LAMA2: variants seen among roughly 807,000 people sequenced by gnomAD.
The protein encoded by LAMA2 is laminin subunit alpha-2.
In LAMA2, 269 loss-of-function variants were observed where a neutral mutation model predicts 364.8. The observed-to-expected ratio is 0.74, with a 90% CI of 0.67 to 0.82. LAMA2 has a LOEUF of 0.82. Ranked by LOEUF, LAMA2 falls within the 40% of genes least tolerant of loss-of-function variation. The pLI is 0.00. For synonymous variants in LAMA2, 1,379 were observed against 1,370.6 expected, an observed-to-expected ratio of 1.01 and a Z score of -0.14; for missense variants, 3,807 against 3,873.2, an observed-to-expected ratio of 0.98 and a Z score of 0.45.
At chr6:128,926,676 G>T (rs528481579) in intron 1 of LAMA2, among the ~76,000 whole-genome samples, 1 of 152,230 alleles carries the variant, frequency 6.6e-6, no homozygotes, top group South Asian at 2.1e-4. Flanking sequence ...GAATATTTGT[G>T]CTCCTTTTTA....
intron 1 of LAMA2, among the ~76,000 whole-genome samples, chr6:129,046,428 A>C (rs1344863293): frequency 2.0e-5 from 3 of 152,212 alleles, no homozygotes; most frequent in Non-Finnish European, 4.4e-5. Context: ...GGCAGGCAAG[A>C]GAGCATGTGC....
At chr6:129,420,726 A>G (rs1175354119) in intron 40 of LAMA2, among the ~76,000 whole-genome samples, 1 of 152,218 alleles carries the variant, frequency 6.6e-6, no homozygotes, top group Non-Finnish European at 1.5e-5. Flanking sequence ...AAAGCAAAAT[A>G]TATAAAGCAA....
At chr6:129,237,359 T>C (rs1455959174) in intron 12 of LAMA2, among the ~76,000 whole-genome samples, 1 of 149,028 alleles carries the variant, frequency 6.7e-6, no homozygotes, top group Non-Finnish European at 1.5e-5. Flanking sequence ...TTGTTGGAGA[T>C]GGAGTCTTGC....
chr6:129,445,852 CTGAT>C, intron 45 of LAMA2, 31 bp downstream of exon 45: 1 of 1,586,050 alleles, frequency 6.3e-7, no homozygotes, highest in South Asian at 1.1e-5. Flanking sequence ...GTATCAGTAA[CTGAT>C]TGTAATTGTT....
At chr6:128,905,056 C>G (rs1305595153) in intron 1 of LAMA2, among the ~76,000 whole-genome samples, 1 of 152,136 alleles carries the variant, frequency 6.6e-6, no homozygotes, top group Non-Finnish European at 1.5e-5. Flanking sequence ...TTGACCAGTA[C>G]TTATATGATG....
chr6:129,200,446 A>ACG (rs1353511916), intron 12 of LAMA2, among the ~76,000 whole-genome samples: 103 of 150,228 alleles, frequency 6.9e-4, no homozygotes, highest in African/African-American at 2.3e-3. Flanking sequence ...ATATACATAT[A>ACG]TGTATATATA....
rs552219343 is a variant in LAMA2, at chr6:129,472,141, C to T, written c.7301-1073C>T. Among the ~76,000 whole-genome samples, 3 of 151,916 alleles carry T rather than the reference C, an allele frequency of 2.0e-5. No homozygotes were observed. The South Asian group carries it at 6.2e-4, about 31-fold the overall frequency. On this transcript the variant is annotated intron_variant, in intron 51 of 64. Transcript: ENST00000421865. The stretch of plus-strand genomic sequence containing the variant: ...GGGCAGCTATAAAATTAAGAAGATA[C>T]ATGTTTAACTTTGTATAACCCAGTA...
intron 1 of LAMA2, among the ~76,000 whole-genome samples, chr6:129,015,741 G>A (rs1282332270): frequency 6.6e-6 from 1 of 151,984 alleles, no homozygotes; most frequent in Non-Finnish European, 1.5e-5. Flanking sequence ...ATAAAATACA[G>A]CTTTTTAATC....
chr6:129,050,162 T>C (rs916772107), intron 2 of LAMA2, 74 bp downstream of exon 2: 16 of 1,458,792 alleles, frequency 1.1e-5, no homozygotes, highest in Non-Finnish European at 1.5e-5. Flanking sequence ...CCAAGTTGCA[T>C]TAAATTCAAG....
Position 128,884,792 on chromosome 6 carries a change from A to G in LAMA2, c.112+1435A>G, listed in dbSNP as rs144743640. ...TTGCTCAATTACAAGGTGTGTTTAA[A>G]CAAGACATAATACTTTAATAATGTT... On this transcript the variant is annotated intron_variant, in intron 1 of 64. Transcript: ENST00000421865. Among the ~76,000 whole-genome samples, 699 of 152,318 alleles carry G rather than the reference A, an allele frequency of 4.6e-3. 5 individuals are homozygous for G. Among genetic ancestry groups the G allele is most frequent in the Non-Finnish European group, 8.0e-3 (545 of 68,014 alleles).
chr6:129,339,316 G>A (rs558636424), intron 29 of LAMA2, among the ~76,000 whole-genome samples: 1 of 152,280 alleles, frequency 6.6e-6, no homozygotes, highest in South Asian at 2.1e-4. Context: ...GCTGACCTTG[G>A]CAATTGAGTG....
chr6:129,192,816 A>C lies in LAMA2; in HGVS notation c.1745A>C (p.Tyr582Ser), dbSNP rs759283737. Reference protein sequence around the residue: ...AEARQALPHSYYWSAPAPYLG... With the variant: ...AEARQALPHSSYWSAPAPYLG... ...GCCCGGCAAGCCCTGCCGCACAGCT[A>C]CTACTGGAGCGCGCCGGCTCCCTAT... is the stretch of plus-strand genomic sequence containing the variant. The change falls in exon 12 of 65, where the codon TAC becomes TCC. Residue 582 changes from tyrosine to serine, a missense_variant. Tyr to Ser is a moderately radical substitution (Grantham distance 144). Around this residue, in one of 3 missense-constraint regions of LAMA2, gnomAD observed 3,333 missense variants for 3,345.7 expected, o/e 1.00. Coordinates refer to ENST00000421865, the MANE Select transcript of LAMA2 (RefSeq NM_000426.4). The C allele has an allele frequency of 2.5e-6, 4 of 1,614,050 alleles. No homozygotes were observed. Among genetic ancestry groups the C allele is most frequent in the South Asian group, 1.1e-5 (1 of 91,090 alleles).
intron 2 of LAMA2, among the ~76,000 whole-genome samples, chr6:129,051,655 CATATCTATAGATCGATCTATAGATATCT>C (rs144355117): frequency 0.22 from 31,362 of 142,904 alleles, 3,594 homozygotes; most frequent in Non-Finnish European, 0.25. Flanking sequence ...ATATATTTTA[CATATCTATAGATCGATCTATAGATATCT>C]ATATCTATAG....
At chr6:129,471,158 CTG>C (rs1231632587) in intron 51 of LAMA2, among the ~76,000 whole-genome samples, 1 of 151,848 alleles carries the variant, frequency 6.6e-6, no homozygotes. Flanking sequence ...AACTCATCAA[CTG>C]TGAAATTTTG....
At chr6:129,512,234 A>G (rs1346815434) in intron 62 of LAMA2, 129 bp from the exon 63 acceptor site, 1 of 863,818 alleles carries the variant, frequency 1.2e-6, no homozygotes, top group Non-Finnish European at 1.8e-6. Context: ...CAGGATCTGA[A>G]ACTTATAGCC....
At chr6:128,890,044 C>A (rs1384699893) in intron 1 of LAMA2, among the ~76,000 whole-genome samples, 3 of 152,122 alleles carry the variant, frequency 2.0e-5, no homozygotes, top group Non-Finnish European at 4.4e-5. Flanking sequence ...TAGTGCCTGG[C>A]ACTTAGGAAA....
At chr6:129,510,316 G>A (rs1786471097) in intron 62 of LAMA2, among the ~76,000 whole-genome samples, 1 of 152,040 alleles carries the variant, frequency 6.6e-6, no homozygotes, top group African/African-American at 2.4e-5. Flanking sequence ...TATGCCAACA[G>A]CAAACAATCA....
chr6:129,042,543 C>A (rs2114757582), intron 1 of LAMA2, among the ~76,000 whole-genome samples: 1 of 151,732 alleles, frequency 6.6e-6, no homozygotes, highest in East Asian at 1.9e-4. Context: ...AATTATCACC[C>A]CGTGTAACAT....
At chr6:129,342,590 T>C (rs915055160) in intron 30 of LAMA2, 123 bp downstream of exon 30, 1 of 896,766 alleles carries the variant, frequency 1.1e-6, no homozygotes, top group African/African-American at 1.7e-5. Context: ...ATAGAGATAT[T>C]TTTAATAATA....
Sources: gnomAD v4.1 joint callset for allele counts (sites outside exome capture counted in the v4.1 genomes callset) on GRCh38, gnomAD v4.1.1 for gene constraint, gnomAD v4.1.1 regional missense constraint, MANE v1.5 for transcripts, NCBI Gene and HGNC (gene_info 2026-07-23, HGNC 2026-07-21) for gene names.